LMNTD1: variants seen among roughly 807,000 people sequenced by gnomAD.
LMNTD1 encodes the protein lamin tail domain-containing protein 1.
LMNTD1 carries 35 observed loss-of-function variants against 50.9 expected under a neutral mutation model. That is an observed-to-expected ratio of 0.69 (90% confidence interval 0.53 to 0.91). LMNTD1 has a LOEUF of 0.91. Among genes scored for constraint, LMNTD1 ranks in the 40% least tolerant of loss-of-function variants. The probability of loss-of-function intolerance (pLI) is 0.00; values close to 1 mark genes in which losing one functional copy is unlikely to be tolerated. For synonymous variants in LMNTD1, 153 were observed against 161.9 expected (o/e 0.94, Z 0.42); for missense variants, 470 against 475.5 (o/e 0.99, Z 0.11).
exon 1 of LMNTD1, chr12:25,648,508 A>C (rs779157711): frequency 1.0e-5 from 16 of 1,551,516 alleles, no homozygotes; most frequent in Middle Eastern, 1.7e-4. Flanking sequence ...GTGGGTCTGG[A>C]CTCTGGAAAC....
intron 9 of LMNTD1, among the ~76,000 whole-genome samples, chr12:25,500,395 A>G (rs1242694882): frequency 2.6e-5 from 4 of 152,172 alleles, no homozygotes; most frequent in Non-Finnish European, 5.9e-5. Context: ...GGCTAGAAGA[A>G]TATCCCATGT....
At chr12:25,590,432 A>G (rs1432970261) in intron 1 of LMNTD1, among the ~76,000 whole-genome samples, 2 of 152,326 alleles carry the variant, frequency 1.3e-5, no homozygotes, top group South Asian at 4.1e-4. Context: ...TGCAGGCTAA[A>G]GTGCTCTGGG....
rs187658044 is a variant in LMNTD1, at chr12:25,640,669, T to G, written c.58+7825A>C. Among the ~76,000 whole-genome samples, 35 of 97,860 alleles carry G rather than the reference T, an allele frequency of 3.6e-4. No homozygotes were observed. In the East Asian group the frequency reaches 0.027, roughly 77 times the overall value. The allele number at this position is 97,860 out of a possible 152,430, so 64.2% of individuals were successfully genotyped here. On this transcript the variant is annotated intron_variant, in intron 1 of 7. Coordinates refer to the LMNTD1 transcript ENST00000445693. ...CTTATTGAAGAAAAGAGGTTTTTTGTTTTTTTTTTGAGACGGAGTCTCGCT... is the reference window on the plus strand; with the variant it reads ...CTTATTGAAGAAAAGAGGTTTTTTGGTTTTTTTTTGAGACGGAGTCTCGCT...
chr12:25,595,616 C>T (rs1239661875), intron 1 of LMNTD1, among the ~76,000 whole-genome samples: 3 of 152,026 alleles, frequency 2.0e-5, no homozygotes, highest in Non-Finnish European at 4.4e-5. Flanking sequence ...TAAATGCCTA[C>T]ATCAAAGGTC....
chr12:25,502,981 C>G (rs527992778), intron 9 of LMNTD1: 1 of 152,180 alleles, frequency 6.6e-6, no homozygotes, highest in East Asian at 1.9e-4. Context: ...AGAATACCAA[C>G]AAGTTAGGGT....
At chr12:25,489,096 G>T (rs1486084907) in intron 9 of LMNTD1, among the ~76,000 whole-genome samples, 1 of 151,998 alleles carries the variant, frequency 6.6e-6, no homozygotes, top group Non-Finnish European at 1.5e-5. Context: ...TCTGTGCCCT[G>T]CTCCCAGAGG....
At chr12:25,532,218 T>C (rs1277043341) in intron 4 of LMNTD1, among the ~76,000 whole-genome samples, 1 of 152,176 alleles carries the variant, frequency 6.6e-6, no homozygotes, top group Non-Finnish European at 1.5e-5. Flanking sequence ...ACTGCAGAGA[T>C]AATTTAAGGT....
chr12:25,630,551 G>C (rs1946694120), intron 1 of LMNTD1: 1 of 152,302 alleles, frequency 6.6e-6, no homozygotes, highest in Non-Finnish European at 1.5e-5. Context: ...CACCCCCGCT[G>C]GAGAAACTGA....
intron 9 of LMNTD1, among the ~76,000 whole-genome samples, chr12:25,477,382 A>G (rs1365695801): frequency 1.3e-5 from 2 of 152,202 alleles, no homozygotes; most frequent in East Asian, 3.9e-4. Flanking sequence ...ACATTGTTCT[A>G]GTGGGGATTG....
intron 1 of LMNTD1, among the ~76,000 whole-genome samples, chr12:25,607,817 G>A (rs566588503): frequency 1.4e-4 from 21 of 152,200 alleles, no homozygotes; most frequent in African/African-American, 4.8e-4. Context: ...TCTGTTGATT[G>A]GGGGTGGAGA....
At chr12:25,579,282 A>T (rs1945171614) in intron 1 of LMNTD1, among the ~76,000 whole-genome samples, 1 of 152,146 alleles carries the variant, frequency 6.6e-6, no homozygotes, top group African/African-American at 2.4e-5. Context: ...CTTTTTTCTT[A>T]CTATTATTAC....
intron 1 of LMNTD1, among the ~76,000 whole-genome samples, chr12:25,576,270 A>T (rs1945015203): frequency 6.6e-6 from 1 of 152,210 alleles, no homozygotes; most frequent in Non-Finnish European, 1.5e-5. Flanking sequence ...CACCACACTG[A>T]CGTCCACAAT....
chr12:25,609,289 G>A (rs748991228), intron 1 of LMNTD1, among the ~76,000 whole-genome samples: 8 of 152,134 alleles, frequency 5.3e-5, no homozygotes, highest in Non-Finnish European at 1.2e-4. Flanking sequence ...GCTAGGAGAA[G>A]TTTGTTAATA....
At chr12:25,498,897 A>T (rs912367295) in intron 9 of LMNTD1, among the ~76,000 whole-genome samples, 2 of 152,152 alleles carry the variant, frequency 1.3e-5, no homozygotes, top group Non-Finnish European at 2.9e-5. Flanking sequence ...GAGCAAAAAA[A>T]TTAATGGCAA....
At chr12:25,628,221 T>C (rs1946638604) in intron 1 of LMNTD1, among the ~76,000 whole-genome samples, 2 of 151,998 alleles carry the variant, frequency 1.3e-5, no homozygotes, top group African/African-American at 4.8e-5. Flanking sequence ...AGGTAGTTAG[T>C]TTTGATAAAA....
intron 1 of LMNTD1, among the ~76,000 whole-genome samples, chr12:25,596,229 G>A (rs1705431): frequency 0.63 from 95,145 of 151,942 alleles, 31,089 homozygotes; most frequent in Middle Eastern, 0.73. Context: ...ATTCTATGAA[G>A]CAGTATCACC....
intron 9 of LMNTD1, among the ~76,000 whole-genome samples, chr12:25,493,603 T>A (rs879937783): frequency 3.9e-5 from 6 of 152,210 alleles, no homozygotes; most frequent in Non-Finnish European, 7.3e-5. Flanking sequence ...GAATTTGGGG[T>A]GGACTTGGAA....
intron 6 of LMNTD1, among the ~76,000 whole-genome samples, chr12:25,522,263 T>C (rs969848092): frequency 1.3e-5 from 2 of 152,190 alleles, no homozygotes; most frequent in Admixed American, 1.3e-4. Flanking sequence ...ACATATTATA[T>C]TTTGAAAATA....
chr12:25,646,202 C>A (rs963237784), intron 1 of LMNTD1, among the ~76,000 whole-genome samples: 1 of 151,890 alleles, frequency 6.6e-6, no homozygotes, highest in African/African-American at 2.4e-5. Context: ...GGAAGACGTA[C>A]CCCTTGCCCA....
Sources: gnomAD v4.1 joint callset for allele counts (sites outside exome capture counted in the v4.1 genomes callset) on GRCh38, gnomAD v4.1.1 for gene constraint, MANE v1.5 for transcripts, NCBI Gene and HGNC (gene_info 2026-07-23, HGNC 2026-07-21) for gene names.